Variants in TPBGL observed in about 807,000 individuals in gnomAD.
TPBGL encodes the protein trophoblast glycoprotein like, also known as trophoblast glycoprotein-like.
For missense variants in TPBGL, 685 were observed against 609.4 expected (o/e 1.12, Z -1.31); for synonymous variants, 380 against 314.8 (o/e 1.21, Z -2.19).
Position 75,242,102 on chromosome 11 carries a change from C to T in TPBGL, c.1053C>T (p.Tyr351=). The part of the protein sequence containing the change: ...REACRDQMEG[Y]HYRYEQDADP... ...CGTGCCGGGACCAGATGGAGGGCTACCACTACCGCTACGAGCAGGACGCCG... is the reference window on the plus strand; with the variant it reads ...CGTGCCGGGACCAGATGGAGGGCTATCACTACCGCTACGAGCAGGACGCCG... Residue 351 remains tyrosine, a synonymous_variant, in exon 1 of 1, where the codon TAC becomes TAT. Coordinates refer to ENST00000562197, the MANE Select transcript of TPBGL (RefSeq NM_001195528.2). 1 of 1,399,674 alleles carries T rather than the reference C, an allele frequency of 7.1e-7. No individual in the cohort carries two copies. Among genetic ancestry groups the T allele is most frequent in the Non-Finnish European group, 9.3e-7 (1 of 1,069,670 alleles). The allele number at this position is 1,399,674 out of a possible 1,614,324, so 86.7% of individuals were successfully genotyped here.
rs751450115 is a variant in TPBGL, at chr11:75,241,970, C to G, written c.921C>G (p.Ser307=). ...AEAAGPELEA[S]YVFFGLVLAL... is the part of the protein sequence containing the mutation. ...CCGCCGGCCCGGAGCTGGAAGCCTC[C>G]TACGTGTTCTTCGGGCTGGTGCTGG... Residue 307 remains serine, a synonymous_variant, in exon 1 of 1, where the codon TCC becomes TCG. Transcript: ENST00000562197. 1.9e-5 allele frequency: 28 copies of G among 1,499,442 alleles called. No homozygotes were observed. In the South Asian group the frequency reaches 3.2e-4, roughly 17 times the overall value. 92.9% of individuals were successfully genotyped at this position (1,499,442 alleles called of 1,614,324 possible).
At position 75,241,503 on chromosome 11, in the gene TPBGL, G is replaced by C; in HGVS notation, c.454G>C (p.Ala152Pro). Residue 152 changes from alanine to proline, a missense_variant, in exon 1 of 1, where the codon GCG becomes CCG. Ala to Pro is a conservative substitution (Grantham distance 27). Transcript: ENST00000562197. ...GCTGCGCTCGCTGCAGCTCAACCAC[G>C]CGCTGGTGCGCGGCGGCCCCGCGCT... is the stretch of plus-strand genomic sequence containing the variant. ...PALRSLQLNH[A>P]LVRGGPALLA... The C allele has an allele frequency of 8.2e-7, 1 of 1,221,964 alleles. No homozygotes were observed. The highest frequency in any genetic ancestry group is 1.0e-6 in the Non-Finnish European group (1 of 983,406). 75.7% of individuals were successfully genotyped at this position (1,221,964 alleles called of 1,614,324 possible).
Position 75,240,964 on chromosome 11 carries a change from A to C in TPBGL, c.-86A>C. Reference sequence around the variant, plus strand: ...GACTGCCAGCCGCTCCGGGTCAAGGACTCGCCCCACCCGTGCCCCCCACCA... The same window carrying C: ...GACTGCCAGCCGCTCCGGGTCAAGGCCTCGCCCCACCCGTGCCCCCCACCA... On this transcript the variant is annotated 5_prime_UTR_variant, in exon 1 of 1. Coordinates refer to ENST00000562197, the MANE Select transcript of TPBGL (RefSeq NM_001195528.2). 9.9e-7 allele frequency: 1 copy of C among 1,007,734 alleles called. No individual in the cohort carries two copies. Among genetic ancestry groups the C allele is most frequent in the Non-Finnish European group, 1.3e-6 (1 of 798,242 alleles). 62.4% of individuals were successfully genotyped at this position (1,007,734 alleles called of 1,614,324 possible).
rs907568905 is a variant in TPBGL, at chr11:75,241,712, T to C, written c.663T>C (p.Asp221=). 1 of 1,265,408 alleles carries C rather than the reference T, an allele frequency of 7.9e-7. No individual in the cohort carries two copies. The highest frequency in any genetic ancestry group is 4.1e-5 in the Admixed American group (1 of 24,566). The allele number at this position is 1,265,408 out of a possible 1,614,324, so 78.4% of individuals were successfully genotyped here. The part of the protein sequence containing the change: ...DPDELRALER[D]GGLPGPRLLL... ...ACGAGCTGCGCGCGCTGGAGCGCGATGGCGGCCTCCCCGGGCCGCGCCTGC... is the reference window on the plus strand; with the variant it reads ...ACGAGCTGCGCGCGCTGGAGCGCGACGGCGGCCTCCCCGGGCCGCGCCTGC... Residue 221 remains aspartate, a synonymous_variant, in exon 1 of 1, where the codon GAT becomes GAC. Coordinates refer to ENST00000562197, the MANE Select transcript of TPBGL (RefSeq NM_001195528.2).
Position 75,240,827 on chromosome 11 carries a change from G to A in TPBGL, c.-223G>A. 3 of 298,890 alleles carry A rather than the reference G, an allele frequency of 1.0e-5. No individual in the cohort carries two copies. The highest frequency in any genetic ancestry group is 1.8e-5 in the Non-Finnish European group (3 of 164,858). 18.5% of individuals were successfully genotyped at this position (298,890 alleles called of 1,614,324 possible). Reference sequence around the variant, plus strand: ...GAAGCCGGAGGCCGGCGCGCAGGGCGAGGGCACCGGGGGCGGGGGGCTCCG... The same window carrying A: ...GAAGCCGGAGGCCGGCGCGCAGGGCAAGGGCACCGGGGGCGGGGGGCTCCG... On this transcript the variant is annotated 5_prime_UTR_variant, in exon 1 of 1. Transcript: ENST00000562197.
Position 75,241,066 on chromosome 11 carries a change from G to C in TPBGL, c.17G>C (p.Gly6Ala). Reference sequence around the variant, plus strand: ...GCGGCCGCGATGGCCCCGCGCGCGGGACAGCCGGGGCTCCAGGGGCTGCTG... The same window carrying C: ...GCGGCCGCGATGGCCCCGCGCGCGGCACAGCCGGGGCTCCAGGGGCTGCTG... MAPRA[G>A]QPGLQGLLLV... Residue 6 changes from glycine (G) to alanine (A), a missense_variant, in exon 1 of 1, where the codon GGA becomes GCA. Gly to Ala is a moderately conservative substitution (Grantham distance 60, BLOSUM62 0). Coordinates refer to ENST00000562197, the MANE Select transcript of TPBGL (RefSeq NM_001195528.2). The C allele has an allele frequency of 7.9e-7, 1 of 1,270,518 alleles. No homozygotes were observed. Among genetic ancestry groups the C allele is most frequent in the Non-Finnish European group, 9.9e-7 (1 of 1,011,882 alleles). The allele number at this position is 1,270,518 out of a possible 1,614,324, so 78.7% of individuals were successfully genotyped here.
rs1945596014 is a variant in TPBGL, at chr11:75,241,297, G to A, written c.248G>A (p.Gly83Glu). Residue 83 changes from glycine (G) to glutamate (E), a missense_variant, in exon 1 of 1, where the codon GGG becomes GAG. Gly to Glu is a moderately conservative substitution (Grantham distance 98, BLOSUM62 -2). Transcript: ENST00000562197. The stretch of plus-strand genomic sequence containing the variant: ...GCGGCCGCCTTCGCCGGCGGGGACG[G>A]GGACGGCGACCAGGCGGCGGGCGTG... ...LRAAAFAGGD[G>E]DGDQAAGVRL... 1 of 1,347,272 alleles carries A rather than the reference G, an allele frequency of 7.4e-7. No homozygotes were observed. The highest frequency in any genetic ancestry group is 1.5e-5 in the African/African-American group (1 of 64,830). The allele number at this position is 1,347,272 out of a possible 1,614,324, so 83.5% of individuals were successfully genotyped here. A position where few individuals can be genotyped will look rare whatever the true frequency, so the allele number is the denominator to read the frequency against.
At position 75,241,799 on chromosome 11, in the gene TPBGL, C is replaced by T; in HGVS notation, c.750C>T (p.Arg250=). 2 of 1,310,614 alleles carry T rather than the reference C, an allele frequency of 1.5e-6. No homozygotes were observed. Among genetic ancestry groups the T allele is most frequent in the Non-Finnish European group, 1.9e-6 (2 of 1,030,108 alleles). The allele number at this position is 1,310,614 out of a possible 1,614,324, so 81.2% of individuals were successfully genotyped here. A position where few individuals can be genotyped will look rare whatever the true frequency, so the allele number is the denominator to read the frequency against. Residue 250 remains arginine (R), a synonymous_variant, in exon 1 of 1, where the codon CGC becomes CGT. Coordinates refer to ENST00000562197, the MANE Select transcript of TPBGL (RefSeq NM_001195528.2). ...CAARPLLAWL[R]NATERVPDSR... ...CACGCCCCCTGCTGGCCTGGCTGCG[C>T]AACGCCACGGAGCGCGTGCCCGACT...
At position 75,241,270 on chromosome 11, in the gene TPBGL, G is replaced by A. The variant is rs866750846; in HGVS notation, c.221G>A (p.Arg74His). ...GTAGGCGCCAACCTGACGGTGCTGC[G>A]CGCGGCCGCCTTCGCCGGCGGGGAC... ...TIVGANLTVLRAAAFAGGDGD... is the reference protein window; with the variant it reads ...TIVGANLTVLHAAAFAGGDGD... Residue 74 changes from arginine to histidine, a missense_variant, in exon 1 of 1, where the codon CGC (arginine) becomes CAC (histidine). Physicochemically the swap from Arg to His is conservative, Grantham distance 29. Transcript: ENST00000562197. 2.2e-6 allele frequency: 3 copies of A among 1,358,212 alleles called. No individual in the cohort carries two copies. Among genetic ancestry groups the A allele is most frequent in the African/African-American group, 3.1e-5 (2 of 65,016 alleles). 84.1% of individuals were successfully genotyped at this position (1,358,212 alleles called of 1,614,324 possible).
At position 75,241,374 on chromosome 11, in the gene TPBGL, G is replaced by C; in HGVS notation, c.325G>C (p.Val109Leu). The part of the protein sequence containing the change: ...LRLTHNHIEV[V>L]EDGAFDGLPS... ...CCTCACGCACAACCACATCGAGGTGGTGGAGGACGGCGCCTTCGACGGGCT... is the reference window on the plus strand; with the variant it reads ...CCTCACGCACAACCACATCGAGGTGCTGGAGGACGGCGCCTTCGACGGGCT... Residue 109 changes from valine (V) to leucine (L), a missense_variant, in exon 1 of 1, where the codon GTG becomes CTG. By Grantham distance (32) the Val-to-Leu change is conservative. Coordinates refer to ENST00000562197, the MANE Select transcript of TPBGL (RefSeq NM_001195528.2). The C allele has an allele frequency of 2.2e-6, 3 of 1,375,292 alleles. No individual in the cohort carries two copies. In the South Asian group the frequency reaches 4.7e-5, roughly 22 times the overall value. 85.2% of individuals were successfully genotyped at this position (1,375,292 alleles called of 1,614,324 possible). A position where few individuals can be genotyped will look rare whatever the true frequency, so the allele number is the denominator to read the frequency against.
chr11:75,241,503 G>A lies in TPBGL; in HGVS notation c.454G>A (p.Ala152Thr). ...PALRSLQLNH[A>T]LVRGGPALLA... ...GCTGCGCTCGCTGCAGCTCAACCAC[G>A]CGCTGGTGCGCGGCGGCCCCGCGCT... is the stretch of plus-strand genomic sequence containing the variant. Residue 152 changes from alanine to threonine, a missense_variant, in exon 1 of 1, where the codon GCG (alanine) becomes ACG (threonine). Physicochemically the swap from Ala to Thr is moderately conservative, Grantham distance 58. Transcript: ENST00000562197. 1 of 1,221,964 alleles carries A rather than the reference G, an allele frequency of 8.2e-7. No homozygotes were observed. The highest frequency in any genetic ancestry group is 1.0e-6 in the Non-Finnish European group (1 of 983,406). 75.7% of individuals were successfully genotyped at this position (1,221,964 alleles called of 1,614,324 possible). A position where few individuals can be genotyped will look rare whatever the true frequency, so the allele number is the denominator to read the frequency against.
rs1451354537 is a variant in TPBGL at position 75,241,037 on chromosome 11, G to A, written c.-13G>A. 11 of 1,221,660 alleles carry A rather than the reference G, an allele frequency of 9.0e-6. No individual in the cohort carries two copies. The highest frequency in any genetic ancestry group is 1.1e-5 in the Non-Finnish European group (11 of 984,218). The allele number at this position is 1,221,660 out of a possible 1,614,324, so 75.7% of individuals were successfully genotyped here. A position where few individuals can be genotyped will look rare whatever the true frequency, so the allele number is the denominator to read the frequency against. On this transcript the variant is annotated 5_prime_UTR_variant, in exon 1 of 1. Coordinates refer to ENST00000562197, the MANE Select transcript of TPBGL (RefSeq NM_001195528.2). ...GCGCGGCGGCCCGGGCGCTGGATGC[G>A]GGGGCGGCCGCGATGGCCCCGCGCG...
At position 75,241,707 on chromosome 11, in the gene TPBGL, C is replaced by G; in HGVS notation, c.658C>G (p.Arg220Gly). ...LDPDELRALE[R>G]DGGLPGPRLL... ...CCCCGACGAGCTGCGCGCGCTGGAG[C>G]GCGATGGCGGCCTCCCCGGGCCGCG... Residue 220 changes from arginine to glycine, a missense_variant, in exon 1 of 1, where the codon CGC becomes GGC. By Grantham distance (125) the Arg-to-Gly change is moderately radical (BLOSUM62 -2). Transcript: ENST00000562197. 7.9e-7 allele frequency: 1 copy of G among 1,265,906 alleles called. No individual in the cohort carries two copies. The allele number at this position is 1,265,906 out of a possible 1,614,324, so 78.4% of individuals were successfully genotyped here.
chr11:75,241,744 C>T lies in TPBGL; in HGVS notation c.695C>T (p.Ala232Val), dbSNP rs1945601288. Reference protein sequence around the residue: ...GGLPGPRLLLADNPLRCGCAA... With the variant: ...GGLPGPRLLLVDNPLRCGCAA... ...CTCCCCGGGCCGCGCCTGCTGCTCG[C>T]CGACAACCCCCTGCGCTGCGGCTGT... Residue 232 changes from alanine (A) to valine (V), a missense_variant, in exon 1 of 1, where the codon GCC (alanine) becomes GTC (valine). By Grantham distance (64) the Ala-to-Val change is moderately conservative. Coordinates refer to ENST00000562197, the MANE Select transcript of TPBGL (RefSeq NM_001195528.2). 3 of 1,292,844 alleles carry T rather than the reference C, an allele frequency of 2.3e-6. No homozygotes were observed. The highest frequency in any genetic ancestry group is 3.6e-5 in the Admixed American group (1 of 27,818). The allele number at this position is 1,292,844 out of a possible 1,614,324, so 80.1% of individuals were successfully genotyped here.
Position 75,241,503 on chromosome 11 carries a change from G to T in TPBGL, c.454G>T (p.Ala152Ser). 8.2e-7 allele frequency: 1 copy of T among 1,221,964 alleles called. No homozygotes were observed. The allele number at this position is 1,221,964 out of a possible 1,614,324, so 75.7% of individuals were successfully genotyped here. ...PALRSLQLNH[A>S]LVRGGPALLA... ...GCTGCGCTCGCTGCAGCTCAACCAC[G>T]CGCTGGTGCGCGGCGGCCCCGCGCT... The change falls in exon 1 of 1, where the codon GCG (alanine) becomes TCG (serine). Residue 152 changes from alanine (A) to serine (S), a missense_variant. Transcript: ENST00000562197.
Position 75,241,826 on chromosome 11 carries a change from G to C in TPBGL, c.777G>C (p.Ser259=). 2.3e-6 allele frequency: 3 copies of C among 1,285,002 alleles called. No homozygotes were observed. The highest frequency in any genetic ancestry group is 6.7e-5 in the East Asian group (2 of 29,748). The allele number at this position is 1,285,002 out of a possible 1,614,324, so 79.6% of individuals were successfully genotyped here. A position where few individuals can be genotyped will look rare whatever the true frequency, so the allele number is the denominator to read the frequency against. ...ACGCCACGGAGCGCGTGCCCGACTCGCGGCGCCTGCGCTGCGCCGCCCCGC... is the reference window on the plus strand; with the variant it reads ...ACGCCACGGAGCGCGTGCCCGACTCCCGGCGCCTGCGCTGCGCCGCCCCGC... ...LRNATERVPD[S]RRLRCAAPRA... Residue 259 remains serine, a synonymous_variant, in exon 1 of 1, where the codon TCG becomes TCC. Coordinates refer to ENST00000562197, the MANE Select transcript of TPBGL (RefSeq NM_001195528.2).
Position 75,241,451 on chromosome 11 carries a change from C to G in TPBGL, c.402C>G (p.Gly134=). Residue 134 remains glycine, a synonymous_variant, in exon 1 of 1, where the codon GGC becomes GGG. Coordinates refer to ENST00000562197, the MANE Select transcript of TPBGL (RefSeq NM_001195528.2). Reference sequence around the variant, plus strand: ...GCCACAACCCGCTGCGCGCCCTGGGCGGCGGCGCCTTCCGCGGGCTGCCCG... The same window carrying G: ...GCCACAACCCGCTGCGCGCCCTGGGGGGCGGCGCCTTCCGCGGGCTGCCCG... The part of the protein sequence containing the change: ...DLSHNPLRAL[G]GGAFRGLPAL... 1 of 1,274,864 alleles carries G rather than the reference C, an allele frequency of 7.8e-7. No individual in the cohort carries two copies. The allele number at this position is 1,274,864 out of a possible 1,614,324, so 79.0% of individuals were successfully genotyped here.
Position 75,242,038 on chromosome 11 carries a change from G to T in TPBGL, c.989G>T (p.Arg330Leu). ...LIFLMVLYLN[R>L]RGIQRWMRNL... ...TTCCTCATGGTGCTCTACCTAAACCGCCGCGGCATCCAGCGCTGGATGCGC... is the reference window on the plus strand; with the variant it reads ...TTCCTCATGGTGCTCTACCTAAACCTCCGCGGCATCCAGCGCTGGATGCGC... Residue 330 changes from arginine (R) to leucine (L), a missense_variant, in exon 1 of 1, where the codon CGC (arginine) becomes CTC (leucine). By Grantham distance (102) the Arg-to-Leu change is moderately radical (BLOSUM62 -2). Transcript: ENST00000562197. 1 of 1,458,438 alleles carries T rather than the reference G, an allele frequency of 6.9e-7. No homozygotes were observed. 90.3% of individuals were successfully genotyped at this position (1,458,438 alleles called of 1,614,324 possible).
At position 75,242,017 on chromosome 11, in the gene TPBGL, T is replaced by C; in HGVS notation, c.968T>C (p.Leu323Pro). The change falls in exon 1 of 1, where the codon CTC becomes CCC. Residue 323 changes from leucine (L) to proline (P), a missense_variant. Transcript: ENST00000562197. Reference sequence around the variant, plus strand: ...CTGGCACTCATCGGCCTCATCTTCCTCATGGTGCTCTACCTAAACCGCCGC... The same window carrying C: ...CTGGCACTCATCGGCCTCATCTTCCCCATGGTGCTCTACCTAAACCGCCGC... Reference protein sequence around the residue: ...LVLALIGLIFLMVLYLNRRGI... With the variant: ...LVLALIGLIFPMVLYLNRRGI... 2 of 1,478,318 alleles carry C rather than the reference T, an allele frequency of 1.4e-6. No homozygotes were observed. The highest frequency in any genetic ancestry group is 1.8e-6 in the Non-Finnish European group (2 of 1,116,230). The allele number at this position is 1,478,318 out of a possible 1,614,324, so 91.6% of individuals were successfully genotyped here.
Sources: allele counts gnomAD v4.1 joint callset, GRCh38; gene constraint gnomAD v4.1.1; transcripts MANE v1.5; gene names NCBI Gene and HGNC (gene_info 2026-07-23, HGNC 2026-07-21).